The following TMEM135 variants were observed in gnomAD, a reference collection of about 807,000 sequenced individuals.
The protein encoded by TMEM135 is transmembrane protein 135.
A neutral mutation model predicts 60.3 loss-of-function variants in TMEM135; 30 were observed. That is an observed-to-expected ratio of 0.50 (90% CI 0.37 to 0.68). The LOEUF (loss-of-function observed/expected upper bound fraction) is 0.68, where lower values mean the gene tolerates loss of function less well. TMEM135 is among the 30% of genes least tolerant of loss of function. The pLI, the probability that TMEM135 is intolerant of heterozygous loss-of-function variation, is 0.00. For missense variants in TMEM135, 468 were observed against 548.8 expected, an observed-to-expected ratio of 0.85 and a Z score of 1.47; for synonymous variants, 190 against 186.7, an observed-to-expected ratio of 1.02 and a Z score of -0.14.
chr11:87,169,945 C>A (rs1433681165), intron 5 of TMEM135, among the ~76,000 whole-genome samples: 2 of 152,102 alleles, frequency 1.3e-5, no homozygotes, highest in Non-Finnish European at 2.9e-5. Flanking sequence ...ACCAATCAAA[C>A]ATAGGTTTGG....
At chr11:87,057,689 A>G (rs1425755975) in intron 1 of TMEM135, among the ~76,000 whole-genome samples, 1 of 152,172 alleles carries the variant, frequency 6.6e-6, no homozygotes, top group African/African-American at 2.4e-5. Context: ...TTTGTTTGAG[A>G]TATTTATATT....
At chr11:87,154,603 A>G (rs1245563794) in intron 4 of TMEM135, among the ~76,000 whole-genome samples, 1 of 152,180 alleles carries the variant, frequency 6.6e-6, no homozygotes. Context: ...GCAGTGTACA[A>G]GGGTTCCAAT....
intron 1 of TMEM135, among the ~76,000 whole-genome samples, chr11:87,042,609 T>G (rs2512373): frequency 0.68 from 103,612 of 151,942 alleles, 36,952 homozygotes; most frequent in African/African-American, 0.88. Context: ...CTTCATTTTG[T>G]GGTATTGTAT....
chr11:87,142,511 TCTA>T (rs1565459163), intron 4 of TMEM135, among the ~76,000 whole-genome samples: 1 of 152,348 alleles, frequency 6.6e-6, no homozygotes, highest in African/African-American at 2.4e-5. Context: ...CAATCCGGCA[TCTA>T]CTATTTGTGT....
chr11:87,253,849 CAT>C (rs1449257413), intron 6 of TMEM135, among the ~76,000 whole-genome samples: 2 of 151,596 alleles, frequency 1.3e-5, no homozygotes, highest in Non-Finnish European at 2.9e-5. Flanking sequence ...AAATTTGTTT[CAT>C]GTTTTACAAA....
At chr11:87,092,420 T>G (rs970595714) in intron 4 of TMEM135, among the ~76,000 whole-genome samples, 2 of 152,192 alleles carry the variant, frequency 1.3e-5, no homozygotes, top group African/African-American at 2.4e-5. Context: ...GTGGACATTC[T>G]GTATAGAAAA....
chr11:87,177,908 C>G (rs763720474), intron 5 of TMEM135, among the ~76,000 whole-genome samples: 14 of 152,056 alleles, frequency 9.2e-5, no homozygotes, highest in Non-Finnish European at 7.3e-5. Flanking sequence ...ACAGAGCTCA[C>G]TAAAAATGTT....
rs181114884 is a variant in TMEM135, at chr11:87,117,796, A to G, written c.396+26401A>G. ...TTTAGACCACCTCCCATGAATCACA[A>G]ATGTCCTTAATGGCATGTAGAATGG... On this transcript the variant is annotated intron_variant, in intron 4 of 14. Coordinates refer to ENST00000305494, the MANE Select transcript of TMEM135 (RefSeq NM_022918.4). Among the ~76,000 whole-genome samples the G allele has an allele frequency of 2.9e-3, 438 of 152,278 alleles. 1 individual carries two copies. The highest frequency in any genetic ancestry group is 5.0e-3 in the Non-Finnish European group (340 of 68,016).
At chr11:87,138,908 A>AT (rs1274089966) in intron 4 of TMEM135, among the ~76,000 whole-genome samples, 1 of 152,178 alleles carries the variant, frequency 6.6e-6, no homozygotes, top group African/African-American at 2.4e-5. Context: ...GACATGTGGA[A>AT]TTTTGTATGG....
chr11:87,162,817 A>C (rs1938922554), intron 5 of TMEM135, among the ~76,000 whole-genome samples: 1 of 152,144 alleles, frequency 6.6e-6, no homozygotes, highest in South Asian at 2.1e-4. Context: ...CAATGGTTGA[A>C]CTAATTTACA....
chr11:87,195,588 T>G (rs1325877954), intron 5 of TMEM135, among the ~76,000 whole-genome samples: 1 of 151,990 alleles, frequency 6.6e-6, no homozygotes, highest in African/African-American at 2.4e-5. Flanking sequence ...TTTTGTATTT[T>G]TAGTAAAGAC....
At chr11:87,251,708 A>T (rs487427) in intron 6 of TMEM135, among the ~76,000 whole-genome samples, 100,167 of 151,992 alleles carry the variant, frequency 0.66, 33,595 homozygotes, top group Non-Finnish European at 0.71. Flanking sequence ...AATTTATGTA[A>T]TTAAAAAGCT....
intron 6 of TMEM135, among the ~76,000 whole-genome samples, chr11:87,240,626 C>G (rs748534671): frequency 6.6e-6 from 1 of 151,838 alleles, no homozygotes; most frequent in Non-Finnish European, 1.5e-5. Flanking sequence ...TGCACTTAAC[C>G]CTACTCACAC....
intron 5 of TMEM135, among the ~76,000 whole-genome samples, chr11:87,217,646 G>C (rs868481532): frequency 6.6e-6 from 1 of 152,074 alleles, no homozygotes; most frequent in South Asian, 2.1e-4. Flanking sequence ...TTAGTTCGGC[G>C]TGGCGGCTCA....
intron 9 of TMEM135, among the ~76,000 whole-genome samples, chr11:87,307,513 TA>T (rs772327014): frequency 2.6e-5 from 4 of 152,170 alleles, no homozygotes; most frequent in Non-Finnish European, 5.9e-5. Flanking sequence ...GTATTTGGAT[TA>T]AATCAGAGGT....
intron 4 of TMEM135, among the ~76,000 whole-genome samples, chr11:87,155,246 G>A (rs937937544): frequency 3.9e-5 from 6 of 152,162 alleles, no homozygotes; most frequent in South Asian, 2.1e-4. Flanking sequence ...TTATCCACCC[G>A]CCTCGGCCTC....
intron 3 of TMEM135, among the ~76,000 whole-genome samples, chr11:87,073,201 AT>A (rs1856804131): frequency 6.6e-6 from 1 of 151,904 alleles, no homozygotes; most frequent in Non-Finnish European, 1.5e-5. Flanking sequence ...CGCCCAGCTA[AT>A]TTTTGTATTT....
At chr11:87,069,810 C>CA in intron 2 of TMEM135, among the ~76,000 whole-genome samples, 1 of 152,146 alleles carries the variant, frequency 6.6e-6, no homozygotes, top group South Asian at 2.1e-4. Context: ...ATGTCCATGT[C>CA]AAAAAATACC....
chr11:87,041,255 G>T (rs1189777708), intron 1 of TMEM135, among the ~76,000 whole-genome samples: 2 of 149,462 alleles, frequency 1.3e-5, no homozygotes, highest in Non-Finnish European at 3.0e-5. Flanking sequence ...TTTAGAGCTA[G>T]TAAGGAAAAA....
Sources: allele counts gnomAD v4.1 joint callset (sites outside exome capture counted in the v4.1 genomes callset), GRCh38; gene constraint gnomAD v4.1.1; transcripts MANE v1.5; gene names NCBI Gene and HGNC (gene_info 2026-07-23, HGNC 2026-07-21).